Variants in ADARB2 observed in about 807,000 individuals in gnomAD.
ADARB2 encodes adenosine deaminase RNA specific B2 (inactive), also known as inactive double-stranded RNA-specific editase B2.
A neutral mutation model predicts 62.2 loss-of-function variants in ADARB2; 25 were observed. The observed-to-expected ratio is 0.40, with a 90% CI of 0.29 to 0.56. The LOEUF (loss-of-function observed/expected upper bound fraction) is 0.56, where lower values mean the gene tolerates loss of function less well. Among genes scored for constraint, ADARB2 ranks in the 20% least tolerant of loss-of-function variants. ADARB2 has a pLI of 0.43. For synonymous variants in ADARB2, 572 were observed against 500.8 expected, an observed-to-expected ratio of 1.14 and a Z score of -1.90; for missense variants, 1,071 against 1,077.4, an observed-to-expected ratio of 0.99 and a Z score of 0.08.
chr10:1,735,203 A>G (rs1313103978), intron 1 of ADARB2, among the ~76,000 whole-genome samples: 1 of 152,226 alleles, frequency 6.6e-6, no homozygotes, highest in African/African-American at 2.4e-5. Flanking sequence ...TGGCTATGAA[A>G]ATTAAGGGAC....
At chr10:1,556,545 C>G (rs2131982575) in intron 1 of ADARB2, 1 of 394,882 alleles carries the variant, frequency 2.5e-6, no homozygotes, top group African/African-American at 2.1e-5. Flanking sequence ...ATCTTATTAA[C>G]TGGAGATTTC....
At chr10:1,677,317 T>G (rs745900409) in intron 1 of ADARB2, among the ~76,000 whole-genome samples, 1 of 152,222 alleles carries the variant, frequency 6.6e-6, no homozygotes. Flanking sequence ...GGACTTGTTT[T>G]AGGCTTGCAA....
chr10:1,650,616 CT>C (rs1471555955), intron 1 of ADARB2, among the ~76,000 whole-genome samples: 1 of 152,204 alleles, frequency 6.6e-6, no homozygotes, highest in African/African-American at 2.4e-5. Flanking sequence ...CGTGAAAGGT[CT>C]AAGTTAATCT....
chr10:1,389,443 C>T (rs1261274034), intron 1 of ADARB2, among the ~76,000 whole-genome samples: 1 of 152,106 alleles, frequency 6.6e-6, no homozygotes, highest in Non-Finnish European at 1.5e-5. Flanking sequence ...TAAAGGATAA[C>T]AAATCTCCAC....
At chr10:1,368,653 C>CCT (rs373797246) in intron 2 of ADARB2, among the ~76,000 whole-genome samples, 1 of 151,956 alleles carries the variant, frequency 6.6e-6, no homozygotes, top group Non-Finnish European at 1.5e-5. Context: ...AACAAAGCCT[C>CCT]CTCTCTCTCT....
At chr10:1,256,126 A>G (rs535516493) in intron 4 of ADARB2, among the ~76,000 whole-genome samples, 45 of 152,290 alleles carry the variant, frequency 3.0e-4, no homozygotes, top group African/African-American at 1.0e-3. Context: ...GAGGGACTTG[A>G]AGCTCCAGGA....
intron 1 of ADARB2, among the ~76,000 whole-genome samples, chr10:1,564,667 C>T (rs113641954): frequency 1.3e-4 from 20 of 152,210 alleles, no homozygotes; most frequent in African/African-American, 4.6e-4. Context: ...AAAATGCTCA[C>T]CATCACTGGC....
chr10:1,288,296 A>G (rs951608895), intron 3 of ADARB2, among the ~76,000 whole-genome samples: 2 of 152,268 alleles, frequency 1.3e-5, no homozygotes, highest in Admixed American at 6.5e-5. Context: ...GGTCCTCTAC[A>G]TAAAGCAGCC....
intron 1 of ADARB2, among the ~76,000 whole-genome samples, chr10:1,479,879 T>C (rs187527413): frequency 1.7e-4 from 26 of 152,332 alleles, no homozygotes; most frequent in African/African-American, 5.3e-4. Flanking sequence ...GACTCCGTGC[T>C]TAAGCCAGGT....
chr10:1,315,607 C>T (rs1318994597), intron 3 of ADARB2, among the ~76,000 whole-genome samples: 1 of 152,244 alleles, frequency 6.6e-6, no homozygotes, highest in African/African-American at 2.4e-5. Context: ...AAGGGAGGTG[C>T]CGTGGTTGCT....
chr10:1,600,913 C>A (rs1833404332), intron 1 of ADARB2, among the ~76,000 whole-genome samples: 1 of 152,110 alleles, frequency 6.6e-6, no homozygotes, highest in Admixed American at 6.5e-5. Flanking sequence ...AGGAAGCAGC[C>A]AGCACGCAGC....
At chr10:1,637,659 C>A (rs1217093618) in intron 1 of ADARB2, among the ~76,000 whole-genome samples, 1 of 152,198 alleles carries the variant, frequency 6.6e-6, no homozygotes, top group Non-Finnish European at 1.5e-5. Context: ...GATTAGATTT[C>A]TATCCCATCC....
intron 4 of ADARB2, among the ~76,000 whole-genome samples, chr10:1,248,285 C>T (rs924637724): frequency 3.3e-5 from 5 of 150,612 alleles, no homozygotes; most frequent in African/African-American, 1.2e-4. Flanking sequence ...CCTGAGGTCC[C>T]GTCTCCAGCT....
At chr10:1,245,740 A>G (rs943239385) in intron 4 of ADARB2, among the ~76,000 whole-genome samples, 1 of 152,174 alleles carries the variant, frequency 6.6e-6, no homozygotes, top group Non-Finnish European at 1.5e-5. Context: ...TCTATCACTG[A>G]TGGACATTTT....
chr10:1,611,137 C>T lies in ADARB2; in HGVS notation c.100+125914G>A, dbSNP rs117366124. ...CAAGGGAGGGGGAGGAAACCTTCCC[C>T]GTGGACCCGGCTTTCCCCAGAAAGG... On this transcript the variant is annotated intron_variant, in intron 1 of 9. Coordinates refer to ENST00000381312, the MANE Select transcript of ADARB2 (RefSeq NM_018702.4). Among the ~76,000 whole-genome samples, 229 of 152,306 alleles carry T rather than the reference C, an allele frequency of 1.5e-3. 4 individuals are homozygous for T. The East Asian group carries it at 0.038, about 25-fold the overall frequency.
chr10:1,450,551 G>A (rs1208215902), intron 1 of ADARB2, among the ~76,000 whole-genome samples: 3 of 152,240 alleles, frequency 2.0e-5, no homozygotes, highest in African/African-American at 4.8e-5. Flanking sequence ...CACATCTACC[G>A]TTTGCTGGCT....
At chr10:1,567,023 A>G (rs1832868242) in intron 1 of ADARB2, among the ~76,000 whole-genome samples, 2 of 152,228 alleles carry the variant, frequency 1.3e-5, no homozygotes, top group Admixed American at 1.3e-4. Flanking sequence ...AGAATTCTTA[A>G]TTGTATTCTC....
At chr10:1,520,391 G>A (rs564712908) in intron 1 of ADARB2, among the ~76,000 whole-genome samples, 13 of 152,274 alleles carry the variant, frequency 8.5e-5, no homozygotes, top group African/African-American at 3.1e-4. Flanking sequence ...GGTTATGAGT[G>A]ACTTTTCACT....
At chr10:1,285,548 C>T (rs1358694475) in intron 3 of ADARB2, among the ~76,000 whole-genome samples, 1 of 152,182 alleles carries the variant, frequency 6.6e-6, no homozygotes, top group African/African-American at 2.4e-5. Flanking sequence ...TAGTGATAAC[C>T]AGGTGCTTCC....
Sources: allele counts gnomAD v4.1 joint callset (sites outside exome capture counted in the v4.1 genomes callset), GRCh38; gene constraint gnomAD v4.1.1; transcripts MANE v1.5; gene names NCBI Gene and HGNC (gene_info 2026-07-23, HGNC 2026-07-21).